PLAT: variants seen among roughly 807,000 people sequenced by gnomAD.
The protein encoded by PLAT is plasminogen activator, tissue type, also known as tissue-type plasminogen activator.
A neutral mutation model predicts 74.9 loss-of-function variants in PLAT; 48 were observed. The ratio of observed to expected loss-of-function variants is 0.64; its 90% CI spans 0.51 to 0.82. PLAT has a LOEUF of 0.82. Ranked by LOEUF, PLAT falls within the 40% of genes least tolerant of loss-of-function variation. The probability of loss-of-function intolerance (pLI) is 0.00; values close to 1 mark genes in which losing one functional copy is unlikely to be tolerated. For missense variants in PLAT, 673 were observed against 736.2 expected (o/e 0.91, Z 0.99); for synonymous variants, 307 against 294.4 (o/e 1.04, Z -0.44).
chr8:42,191,006 C>T (rs8178738), intron 3 of PLAT, among the ~76,000 whole-genome samples: 82 of 152,292 alleles, frequency 5.4e-4, no homozygotes, highest in African/African-American at 1.8e-3. Context: ...GTGCTGCTGG[C>T]GGCTGTGTGA....
At chr8:42,201,650 G>T (rs1806137273) in intron 1 of PLAT, among the ~76,000 whole-genome samples, 1 of 152,190 alleles carries the variant, frequency 6.6e-6, no homozygotes, top group Non-Finnish European at 1.5e-5. Context: ...CCTGAATACA[G>T]GGTGATGTCT....
chr8:42,178,945 T>C lies in PLAT; in HGVS notation c.1482A>G (p.Gly494=). The C allele has an allele frequency of 6.2e-7, 1 of 1,614,088 alleles. No individual in the cohort carries two copies. The highest frequency in any genetic ancestry group is 8.5e-7 in the Non-Finnish European group (1 of 1,180,016). Residue 494 remains glycine, a synonymous_variant, in exon 13 of 14, where the codon GGA becomes GGG. Transcript: ENST00000220809. ...RTVTDNMLCA[G]DTRSGGPQAN... ...CCTGGGGCCCGCCGCTCCGAGTGTC[T>C]CCAGCACACAGCATGTTGTCGGTGA...
chr8:42,178,770 C>T (rs955965206), intron 13 of PLAT, 127 bp downstream of exon 13: 34 of 870,034 alleles, frequency 3.9e-5, no homozygotes, highest in Middle Eastern at 3.6e-4. Flanking sequence ...TCTAGAATCC[C>T]CAGGGGTATC....
chr8:42,176,391 A>G (rs1804975707), intron 13 of PLAT, among the ~76,000 whole-genome samples: 1 of 152,192 alleles, frequency 6.6e-6, no homozygotes, highest in Non-Finnish European at 1.5e-5. Flanking sequence ...CAAAGCTTGC[A>G]CATTAAGCCA....
At chr8:42,176,668 C>A (rs1436374829) in intron 13 of PLAT, among the ~76,000 whole-genome samples, 1 of 152,202 alleles carries the variant, frequency 6.6e-6, no homozygotes, top group African/African-American at 2.4e-5. Flanking sequence ...AGTCAGGGAG[C>A]CTGCCCTATT....
chr8:42,194,008 C>G (rs1476307784), intron 1 of PLAT, among the ~76,000 whole-genome samples: 2 of 98 alleles, frequency 0.02, no homozygotes, highest in African/African-American at 0.11. Flanking sequence ...GCCACCGCGC[C>G]CCCGCTGCCT....
intron 13 of PLAT, 46 bp from the exon 14 acceptor site, chr8:42,176,197 A>G (rs1483201363): frequency 3.3e-6 from 5 of 1,514,628 alleles, no homozygotes; most frequent in Admixed American, 1.8e-5. Context: ...AAAGCAGACT[A>G]TCTGGAGAAA....
intron 1 of PLAT, among the ~76,000 whole-genome samples, chr8:42,206,001 C>A (rs1285988251): frequency 6.6e-6 from 1 of 152,216 alleles, no homozygotes; most frequent in African/African-American, 2.4e-5. Flanking sequence ...TCAGTGAACT[C>A]AAAAACCAAC....
chr8:42,189,496 C>T (rs572419083), intron 3 of PLAT, among the ~76,000 whole-genome samples: 49 of 151,172 alleles, frequency 3.2e-4, no homozygotes, highest in Admixed American at 1.7e-3. Context: ...CCAGCCTGGG[C>T]GACAGAGCAA....
chr8:42,190,729 G>C (rs1218512699), intron 3 of PLAT, among the ~76,000 whole-genome samples: 2 of 152,180 alleles, frequency 1.3e-5, no homozygotes, highest in Non-Finnish European at 2.9e-5. Flanking sequence ...GGGAAATCGA[G>C]GGCCTAAGTT....
chr8:42,202,327 C>A (rs933635838), intron 1 of PLAT, among the ~76,000 whole-genome samples: 2 of 152,040 alleles, frequency 1.3e-5, no homozygotes, highest in Non-Finnish European at 2.9e-5. Flanking sequence ...GAGCTGTGTG[C>A]CCGGCCTCTG....
At position 42,180,646 on chromosome 8, in the gene PLAT, C is replaced by T. The variant is rs1233670631; in HGVS notation, c.929G>A (p.Arg310His). 2 of 1,602,304 alleles carry T rather than the reference C, an allele frequency of 1.2e-6. No homozygotes were observed. The highest frequency in any genetic ancestry group is 1.7e-5 in the Admixed American group (1 of 59,114). ...GLRQYSQPQF[R>H]IKGGLFADIA... ...GTCGGCGAAGAGCCCTCCTTTGATG[C>T]GAAACTGAGGCTGGCTGTACTGTCT... The change falls in exon 10 of 14, where the codon CGC becomes CAC. Residue 310 changes from arginine to histidine, a missense_variant. Coordinates refer to ENST00000220809, the MANE Select transcript of PLAT (RefSeq NM_000930.5).
intron 1 of PLAT, among the ~76,000 whole-genome samples, chr8:42,195,105 T>G (rs956046420): frequency 6.6e-6 from 1 of 151,568 alleles, no homozygotes; most frequent in Non-Finnish European, 1.5e-5. Flanking sequence ...CAACTTCAGG[T>G]CCCACCCTCC....
At chr8:42,198,582 A>G (rs1277707014) in intron 1 of PLAT, among the ~76,000 whole-genome samples, 1 of 152,262 alleles carries the variant, frequency 6.6e-6, no homozygotes, top group Non-Finnish European at 1.5e-5. Context: ...TCCAGATGTT[A>G]GTGAACTGGA....
chr8:42,201,354 C>T (rs956220141), intron 1 of PLAT, among the ~76,000 whole-genome samples: 3 of 152,154 alleles, frequency 2.0e-5, no homozygotes, highest in Non-Finnish European at 2.9e-5. Context: ...AAGTCCTTCC[C>T]CCACACCTGG....
Position 42,175,963 on chromosome 8 carries a change from A to C in PLAT, c.*30T>G, listed in dbSNP as rs1168632162. 1.2e-6 allele frequency: 2 copies of C among 1,610,350 alleles called. No individual in the cohort carries two copies. Among genetic ancestry groups the C allele is most frequent in the Non-Finnish European group, 1.7e-6 (2 of 1,177,182 alleles). On this transcript the variant is annotated 3_prime_UTR_variant, in exon 14 of 14. Coordinates refer to ENST00000220809, the MANE Select transcript of PLAT (RefSeq NM_000930.5). ...TCTGAAGAAGAAGAGGCGGGATCTC[A>C]TTTGCTTTTGAGGAGTCGGGTGTTC... is the stretch of plus-strand genomic sequence containing the variant.
At chr8:42,188,213 C>A in intron 4 of PLAT, 197 bp from the exon 5 acceptor site, 1 of 506,226 alleles carries the variant, frequency 2.0e-6, no homozygotes. Context: ...ATAAGTGGAC[C>A]CTGCAGGTCA....
chr8:42,192,504 C>A (rs1805726013), intron 2 of PLAT, among the ~76,000 whole-genome samples: 1 of 152,108 alleles, frequency 6.6e-6, no homozygotes, highest in South Asian at 2.1e-4. Flanking sequence ...CATTGCACTC[C>A]AGCCTGGGTG....
At chr8:42,205,709 C>G (rs1806304605) in intron 1 of PLAT, among the ~76,000 whole-genome samples, 2 of 152,206 alleles carry the variant, frequency 1.3e-5, no homozygotes, top group African/African-American at 4.8e-5. Context: ...CCAGACCGAA[C>G]CGGTGCACAT....
Sources: allele counts gnomAD v4.1 joint callset (sites outside exome capture counted in the v4.1 genomes callset), GRCh38; gene constraint gnomAD v4.1.1; transcripts MANE v1.5; gene names NCBI Gene and HGNC (gene_info 2026-07-23, HGNC 2026-07-21).